Variants in RNF144B observed in about 807,000 individuals in gnomAD.
RNF144B encodes E3 ubiquitin-protein ligase RNF144B.
In RNF144B, 25 loss-of-function variants were observed where a neutral mutation model predicts 40.2. The ratio of observed to expected loss-of-function variants is 0.62; its 90% CI spans 0.45 to 0.87. The LOEUF (loss-of-function observed/expected upper bound fraction) is 0.87, where lower values mean the gene tolerates loss of function less well. Ranked by LOEUF, RNF144B falls within the 40% of genes least tolerant of loss-of-function variation. The probability of loss-of-function intolerance (pLI) is 0.00; values close to 1 mark genes in which losing one functional copy is unlikely to be tolerated. For synonymous variants in RNF144B, 145 were observed against 136.3 expected, an observed-to-expected ratio of 1.06 and a Z score of -0.44; for missense variants, 365 against 373.7, an observed-to-expected ratio of 0.98 and a Z score of 0.19.
chr6:18,457,354 G>A lies in RNF144B; in HGVS notation c.531G>A (p.Glu177=). The A allele has an allele frequency of 6.2e-7, 1 of 1,612,232 alleles. No homozygotes were observed. ...GTCAGCCTATTGTCCTGCCAACAGA[G>A]CACCGGTAAGAAAGGAAACTTTGTC... ...RDSQPIVLPT[E]HRALFGTDAE... is the part of the protein sequence containing the mutation. Residue 177 remains glutamate (E), a synonymous_variant, in exon 5 of 8, where the codon GAG becomes GAA. Coordinates refer to ENST00000259939, the MANE Select transcript of RNF144B (RefSeq NM_182757.4). The surrounding 1 kb of genome is among the most constrained non-coding windows in gnomAD (Gnocchi z 5.1).
At position 18,463,356 on chromosome 6, in the gene RNF144B, A is replaced by G. The variant is rs1281699005; in HGVS notation, c.747A>G (p.Ala249=). ...GGAATAAACTTGGCCACTCAAGAGC[A>G]TCAGTGATGTGGAACCGAACACAGG... ...PCRNKLGHSR[A]SVMWNRTQVV... The change falls in exon 7 of 8, where the codon GCA becomes GCG. Residue 249 remains alanine, a synonymous_variant. Coordinates refer to ENST00000259939, the MANE Select transcript of RNF144B (RefSeq NM_182757.4). 6 of 1,610,414 alleles carry G rather than the reference A, an allele frequency of 3.7e-6. No individual in the cohort carries two copies. The African/African-American group carries it at 6.7e-5, about 18-fold the overall frequency.
rs747612370 is a variant in RNF144B, at chr6:18,463,363, A to G, written c.754A>G (p.Met252Val). 1 of 1,608,518 alleles carries G rather than the reference A, an allele frequency of 6.2e-7. No homozygotes were observed. Among genetic ancestry groups the G allele is most frequent in the African/African-American group, 1.3e-5 (1 of 74,800 alleles). ...NKLGHSRASV[M>V]WNRTQVVGIL... ...ACTTGGCCACTCAAGAGCATCAGTG[A>G]TGTGGAACCGAACACAGGTACCCTG... The change falls in exon 7 of 8, where the codon ATG becomes GTG. Residue 252 changes from methionine to valine, a missense_variant. Coordinates refer to ENST00000259939, the MANE Select transcript of RNF144B (RefSeq NM_182757.4).
rs1759144594 is a variant in RNF144B at position 18,448,901 on chromosome 6, A to G, written c.332-8254A>G. Among the ~76,000 whole-genome samples the G allele has an allele frequency of 6.6e-6, 1 of 152,224 alleles. No homozygotes were observed. Among genetic ancestry groups the G allele is most frequent in the Non-Finnish European group, 1.5e-5 (1 of 68,036 alleles). On this transcript the variant is annotated intron_variant, in intron 4 of 7. Coordinates refer to ENST00000259939, the MANE Select transcript of RNF144B (RefSeq NM_182757.4). This position sits in a 1 kb window ranked among gnomAD's most constrained non-coding sequence, Gnocchi z 4.0. ...TTTGTTTGTCCCTTTCAAAGAGTTT[A>G]AAGTCACACATTAAGGTTGAGGATT...
intron 7 of RNF144B, 125 bp downstream of exon 7, chr6:18,463,505 A>G: frequency 1.5e-6 from 1 of 661,666 alleles, no homozygotes; most frequent in Non-Finnish European, 2.7e-6. Context: ...GCTTCTGGGG[A>G]GTGTTAGGGC....
rs1195111665 is a variant in RNF144B at position 18,460,882 on chromosome 6, T to C, written c.681+1131T>C. 6.6e-6 allele frequency among the ~76,000 whole-genome samples: 1 copy of C among 152,242 alleles called. No homozygotes were observed. The highest frequency in any genetic ancestry group is 6.5e-5 in the Admixed American group (1 of 15,282). Reference sequence around the variant, plus strand: ...AGTTTGGGGTAACATAAGTTGTTTATAGATAACACTCTGTTTTGGCAATTT... The same window carrying C: ...AGTTTGGGGTAACATAAGTTGTTTACAGATAACACTCTGTTTTGGCAATTT... On this transcript the variant is annotated intron_variant, in intron 6 of 7. Coordinates refer to ENST00000259939, the MANE Select transcript of RNF144B (RefSeq NM_182757.4). This position sits in a 1 kb window ranked among gnomAD's most constrained non-coding sequence, Gnocchi z 4.4.
rs1005474405 is a variant in RNF144B at position 18,416,957 on chromosome 6, C to A, written c.166-10624C>A. On this transcript the variant is annotated intron_variant, in intron 2 of 7. Coordinates refer to ENST00000259939, the MANE Select transcript of RNF144B (RefSeq NM_182757.4). This position sits in a 1 kb window ranked among gnomAD's most constrained non-coding sequence, Gnocchi z 5.5. Reference sequence around the variant, plus strand: ...CAATGTACAGAATCAATTGTATTTCCATATACTAGTAAGAAATAATATAAT... The same window carrying A: ...CAATGTACAGAATCAATTGTATTTCAATATACTAGTAAGAAATAATATAAT... 1.3e-5 allele frequency among the ~76,000 whole-genome samples: 2 copies of A among 152,026 alleles called. No homozygotes were observed. The highest frequency in any genetic ancestry group is 4.8e-5 in the African/African-American group (2 of 41,380).
chr6:18,459,659 C>G lies in RNF144B; in HGVS notation c.589C>G (p.Arg197Gly). 4 of 1,614,012 alleles carry G rather than the reference C, an allele frequency of 2.5e-6. No homozygotes were observed. Among genetic ancestry groups the G allele is most frequent in the Non-Finnish European group, 3.4e-6 (4 of 1,179,952 alleles). Residue 197 changes from arginine to glycine, a missense_variant, in exon 6 of 8, where the codon CGG becomes GGG. Physicochemically the swap from Arg to Gly is moderately radical, Grantham distance 125. Coordinates refer to ENST00000259939, the MANE Select transcript of RNF144B (RefSeq NM_182757.4). This position sits in a 1 kb window ranked among gnomAD's most constrained non-coding sequence, Gnocchi z 4.2. ...CCCCATTAAGCAGTGCCCAGTTTGC[C>G]GGGTTTATATCGAACGCAATGAAGG... ...EAPIKQCPVC[R>G]VYIERNEGCA...
chr6:18,421,540 T>C (rs1158238619), intron 2 of RNF144B, among the ~76,000 whole-genome samples: 2 of 152,106 alleles, frequency 1.3e-5, no homozygotes, highest in African/African-American at 4.8e-5. Flanking sequence ...CTTCTTTTTT[T>C]CATTTGCCTG....
rs1759004003 is a variant in RNF144B at position 18,443,182 on chromosome 6, T to C, written c.331+3438T>C. On this transcript the variant is annotated intron_variant, in intron 4 of 7. Coordinates refer to ENST00000259939, the MANE Select transcript of RNF144B (RefSeq NM_182757.4). The surrounding 1 kb of genome is among the most constrained non-coding windows in gnomAD (Gnocchi z 4.7). ...AAGTATTGCAGTGTATTAAATTTAG[T>C]GGCCTTTTGATTTAACCTCCTCATT... 6.6e-6 allele frequency among the ~76,000 whole-genome samples: 1 copy of C among 152,236 alleles called. No individual in the cohort carries two copies.
At chr6:18,436,905 G>GTTTT (rs5874640) in intron 3 of RNF144B, among the ~76,000 whole-genome samples, 15 of 150,638 alleles carry the variant, frequency 1.0e-4, no homozygotes, top group Non-Finnish European at 1.6e-4. Context: ...TTGTTGTTGT[G>GTTTT]TTTTTTTTTT....
At chr6:18,427,913 A>G (rs1193887164) in intron 3 of RNF144B, among the ~76,000 whole-genome samples, 2 of 152,214 alleles carry the variant, frequency 1.3e-5, no homozygotes, top group South Asian at 2.1e-4. Flanking sequence ...TGAAGAAGCT[A>G]TAGAATAGGC....
chr6:18,399,854 AT>A, intron 2 of RNF144B, among the ~76,000 whole-genome samples, 155 bp downstream of exon 2: 1 of 152,362 alleles, frequency 6.6e-6, no homozygotes, highest in Admixed American at 6.5e-5. Flanking sequence ...TCCAAATAGT[AT>A]CTTAAATGGT....
intron 3 of RNF144B, among the ~76,000 whole-genome samples, chr6:18,428,999 C>T (rs1405978671): frequency 6.6e-6 from 1 of 152,012 alleles, no homozygotes; most frequent in Non-Finnish European, 1.5e-5. Context: ...TGAGACCAGC[C>T]TGGGCAATAT....
In RNF144B at chr6:18,439,750, A is replaced by C; in HGVS notation, c.331+6A>C. On this transcript the variant is annotated splice_donor_region_variant and intron_variant, in intron 4 of 7. Coordinates refer to ENST00000259939, the MANE Select transcript of RNF144B (RefSeq NM_182757.4). ...GAGGTTAAAATTTGAAAGAGGTATG[A>C]ACTCTTCTTTTTTTCCTGATGATGA... The C allele has an allele frequency of 6.3e-7, 1 of 1,593,258 alleles. No homozygotes were observed. Among genetic ancestry groups the C allele is most frequent in the Non-Finnish European group, 8.6e-7 (1 of 1,161,266 alleles).
At chr6:18,439,636 G>A (rs1470014720) in intron 3 of RNF144B, 48 bp from the exon 4 acceptor site, 1 of 1,292,280 alleles carries the variant, frequency 7.7e-7, no homozygotes, top group Non-Finnish European at 1.1e-6. Flanking sequence ...TGGTAACTCA[G>A]GGCACTATGA....
In RNF144B at chr6:18,461,236, C is replaced by G. The variant is rs191536409; in HGVS notation, c.681+1485C>G. ...ATGGACATTTTAGACTCTAGAAGTT[C>G]AGCAGCTCAGTTTGGAAGAAATATC... On this transcript the variant is annotated intron_variant, in intron 6 of 7. Coordinates refer to ENST00000259939, the MANE Select transcript of RNF144B (RefSeq NM_182757.4). Among the ~76,000 whole-genome samples the G allele has an allele frequency of 6.6e-5, 10 of 152,272 alleles. No individual in the cohort carries two copies. In the South Asian group the frequency reaches 2.1e-3, roughly 32 times the overall value.
At position 18,453,790 on chromosome 6, in the gene RNF144B, G is replaced by A. The variant is rs74981114; in HGVS notation, c.332-3365G>A. 3.4e-3 allele frequency among the ~76,000 whole-genome samples: 522 copies of A among 152,248 alleles called. 7 individuals are homozygous for A. Among genetic ancestry groups the A allele is most frequent in the African/African-American group, 0.012 (497 of 41,536 alleles). ...ATCTTGGACATGATGCTTTAATCTC[G>A]TTGATAAAATATCTACCACACAGGA... On this transcript the variant is annotated intron_variant, in intron 4 of 7. Transcript: ENST00000259939.
intron 4 of RNF144B, among the ~76,000 whole-genome samples, chr6:18,451,295 T>C (rs1003949477): frequency 2.0e-5 from 3 of 152,208 alleles, no homozygotes; most frequent in Admixed American, 6.5e-5. Flanking sequence ...AAACCAGTCA[T>C]TTGTTGAATA....
intron 4 of RNF144B, among the ~76,000 whole-genome samples, chr6:18,445,604 A>G (rs1759064098): frequency 6.6e-6 from 1 of 152,142 alleles, no homozygotes; most frequent in Non-Finnish European, 1.5e-5. Context: ...CTCTGATGTA[A>G]ATATGTCAGA....
Sources: gnomAD v4.1 joint callset for allele counts (sites outside exome capture counted in the v4.1 genomes callset) on GRCh38, gnomAD v4.1.1 for gene constraint, Gnocchi (gnomAD v3.1) non-coding constraint, MANE v1.5 for transcripts, NCBI Gene and HGNC (gene_info 2026-07-23, HGNC 2026-07-21) for gene names.